The following LINGO2 variants were observed in gnomAD, a reference collection of about 807,000 sequenced individuals.
LINGO2 encodes the protein leucine rich repeat and Ig domain containing 2.
Under a neutral mutation model 30.6 loss-of-function variants are expected in LINGO2, and 14 were observed. The ratio of observed to expected loss-of-function variants is 0.46; its 90% CI spans 0.30 to 0.72. The LOEUF (loss-of-function observed/expected upper bound fraction) is 0.72, where lower values mean the gene tolerates loss of function less well. Ranked by LOEUF, LINGO2 falls within the 30% of genes least tolerant of loss-of-function variation. The pLI is 0.07. For synonymous variants in LINGO2, 317 were observed against 288.5 expected (o/e 1.10, Z -1.00); for missense variants, 729 against 751.7 (o/e 0.97, Z 0.35).
At chr9:29,048,629 G>C in the LINGO2 span, among the ~76,000 whole-genome samples, 1 of 151,964 alleles carries the variant, frequency 6.6e-6, no homozygotes. Context: ...AGAGACATAG[G>C]CAAATGGAAC....
chr9:28,236,781 G>T (rs1217641176), intron 4 of LINGO2, among the ~76,000 whole-genome samples: 1 of 152,004 alleles, frequency 6.6e-6, no homozygotes. Flanking sequence ...TGGTTAATCA[G>T]TATAAAAATA....
At chr9:28,054,884 T>C (rs1375733071) in intron 4 of LINGO2, among the ~76,000 whole-genome samples, 1 of 152,130 alleles carries the variant, frequency 6.6e-6, no homozygotes, top group Non-Finnish European at 1.5e-5. Flanking sequence ...TTTTCAAATA[T>C]CCAAGCACTA....
the LINGO2 span, among the ~76,000 whole-genome samples, chr9:28,721,534 T>C: frequency 3.3e-4 from 50 of 152,198 alleles, 1 homozygote; most frequent in East Asian, 8.3e-3. Context: ...CTGGAAACCA[T>C]CATTCTCAGA....
the LINGO2 span, among the ~76,000 whole-genome samples, chr9:29,116,068 G>T: frequency 6.6e-6 from 1 of 151,940 alleles, no homozygotes; most frequent in Non-Finnish European, 1.5e-5. Context: ...AATTTGAGTA[G>T]AAATCAGAGG....
intron 3 of LINGO2, among the ~76,000 whole-genome samples, chr9:28,324,914 G>A (rs757869206): frequency 7.9e-5 from 12 of 151,750 alleles, no homozygotes; most frequent in Non-Finnish European, 7.4e-5. Context: ...TTTCTTGCAC[G>A]AGATCCAAGG....
At chr9:28,600,629 A>C (rs1490835881) in intron 1 of LINGO2, among the ~76,000 whole-genome samples, 2 of 152,104 alleles carry the variant, frequency 1.3e-5, no homozygotes, top group Admixed American at 6.6e-5. Context: ...TATTTTATTT[A>C]ATATAAATCG....
At chr9:28,352,846 C>T (rs1587522314) in intron 3 of LINGO2, among the ~76,000 whole-genome samples, 1 of 148,866 alleles carries the variant, frequency 6.7e-6, no homozygotes, top group Non-Finnish European at 1.5e-5. Flanking sequence ...GAAATAATGC[C>T]ACATATCTAC....
intron 4 of LINGO2, among the ~76,000 whole-genome samples, chr9:28,052,352 A>C (rs189522672): frequency 6.6e-6 from 1 of 152,206 alleles, no homozygotes. Flanking sequence ...TTATTTGAAC[A>C]TTATTTCTGC....
the LINGO2 span, among the ~76,000 whole-genome samples, chr9:29,183,321 G>A: frequency 1.3e-5 from 2 of 152,196 alleles, no homozygotes. Context: ...AAAGAACTAT[G>A]TCCCAACATC....
the LINGO2 span, among the ~76,000 whole-genome samples, chr9:29,137,209 C>A: frequency 2.6e-5 from 4 of 152,124 alleles, no homozygotes; most frequent in Non-Finnish European, 5.9e-5. Flanking sequence ...AGTATACCAC[C>A]ACTTAACCAT....
chr9:28,413,582 GGAAGAGACTC>G (rs1822854607), intron 2 of LINGO2, among the ~76,000 whole-genome samples: 1 of 152,052 alleles, frequency 6.6e-6, no homozygotes, highest in Admixed American at 6.6e-5. Context: ...AAAAAGAAAT[GGAAGAGACTC>G]TTACTGTCAT....
At chr9:28,445,788 G>C (rs1824401926) in intron 2 of LINGO2, among the ~76,000 whole-genome samples, 1 of 152,064 alleles carries the variant, frequency 6.6e-6, no homozygotes, top group African/African-American at 2.4e-5. Context: ...ACTTATTGTT[G>C]GCAACATTTT....
chr9:29,076,934 T>C, the LINGO2 span, among the ~76,000 whole-genome samples: 2 of 152,062 alleles, frequency 1.3e-5, no homozygotes, highest in Admixed American at 6.6e-5. Context: ...AAGGAAGCCA[T>C]ACCAAGCTGA....
At chr9:28,498,765 G>A (rs1267445483) in intron 1 of LINGO2, among the ~76,000 whole-genome samples, 1 of 152,098 alleles carries the variant, frequency 6.6e-6, no homozygotes, top group Non-Finnish European at 1.5e-5. Flanking sequence ...GGGAGCTGTA[G>A]ACTGTAGCTG....
chr9:28,442,738 A>G lies in LINGO2; in HGVS notation c.-279+33202T>C, dbSNP rs73644043. 8.3e-3 allele frequency among the ~76,000 whole-genome samples: 1,269 copies of G among 152,260 alleles called. 19 individuals are homozygous for G. The highest frequency in any genetic ancestry group is 0.027 in the African/African-American group (1,135 of 41,558). On this transcript the variant is annotated intron_variant, in intron 2 of 5. Coordinates refer to ENST00000379992, the Ensembl canonical transcript of LINGO2. The stretch of plus-strand genomic sequence containing the variant: ...TAGGCTCATTTACATCTTCTCTTAC[A>G]GTGTTGAACACCATCAGTGGTATAA...
the LINGO2 span, among the ~76,000 whole-genome samples, chr9:28,945,412 CAG>C: frequency 2.3e-4 from 35 of 152,264 alleles, no homozygotes; most frequent in East Asian, 1.2e-3. Context: ...AAATTCTGTA[CAG>C]AGTTACTCTA....
At chr9:29,138,599 C>T in the LINGO2 span, among the ~76,000 whole-genome samples, 4 of 152,016 alleles carry the variant, frequency 2.6e-5, no homozygotes, top group African/African-American at 7.2e-5. Context: ...CAGGTAAGTA[C>T]ATAGCACATT....
the LINGO2 span, among the ~76,000 whole-genome samples, chr9:28,921,771 G>A: frequency 1.3e-5 from 2 of 152,274 alleles, no homozygotes; most frequent in African/African-American, 4.8e-5. Flanking sequence ...CTGGGAGAGT[G>A]CATTTATAAG....
At chr9:28,235,562 G>C (rs553178332) in intron 4 of LINGO2, among the ~76,000 whole-genome samples, 2 of 152,134 alleles carry the variant, frequency 1.3e-5, no homozygotes, top group Non-Finnish European at 2.9e-5. Context: ...ATTCAAAATA[G>C]CTGCTTTAAG....
Sources: gnomAD v4.1 joint callset for allele counts (sites outside exome capture counted in the v4.1 genomes callset) on GRCh38, gnomAD v4.1.1 for gene constraint, MANE v1.5 for transcripts, NCBI Gene and HGNC (gene_info 2026-07-23, HGNC 2026-07-21) for gene names.